AKAP6: variants seen among roughly 807,000 people sequenced by gnomAD.
AKAP6 encodes the protein A-kinase anchoring protein 6.
In AKAP6, 58 loss-of-function variants were observed where a neutral mutation model predicts 188.5. The ratio of observed to expected loss-of-function variants is 0.31; its 90% CI spans 0.25 to 0.38. AKAP6 has a LOEUF of 0.38. Ranked by LOEUF, AKAP6 falls within the 10% of genes least tolerant of loss-of-function variation. The probability of loss-of-function intolerance (pLI) is 1.00; values close to 1 mark genes in which losing one functional copy is unlikely to be tolerated. For missense variants in AKAP6, 2,710 were observed against 2,740.0 expected, an observed-to-expected ratio of 0.99 and a Z score of 0.24; for synonymous variants, 989 against 998.6, an observed-to-expected ratio of 0.99 and a Z score of 0.18.
At chr14:32,521,958 C>T (rs1232630091) in intron 2 of AKAP6, among the ~76,000 whole-genome samples, 1 of 152,146 alleles carries the variant, frequency 6.6e-6, no homozygotes, top group East Asian at 1.9e-4. Context: ...GCTACAGTAA[C>T]CAAAACAGCA....
chr14:32,520,444 C>T (rs924262194), intron 2 of AKAP6, among the ~76,000 whole-genome samples: 12 of 152,004 alleles, frequency 7.9e-5, no homozygotes, highest in South Asian at 2.1e-4. Context: ...GTTGATAGAT[C>T]GCTAGCAAGA....
intron 5 of AKAP6, among the ~76,000 whole-genome samples, chr14:32,592,398 G>A (rs539701079): frequency 3.3e-5 from 5 of 152,320 alleles, no homozygotes; most frequent in African/African-American, 2.4e-5. Context: ...GATGGTTAGG[G>A]AGAGCTTGCT....
rs2139154906 is a variant in AKAP6, at chr14:32,546,150, C to T, written c.1497C>T (p.His499=). 8.7e-6 allele frequency: 14 copies of T among 1,613,954 alleles called. No homozygotes were observed. The highest frequency in any genetic ancestry group is 1.1e-5 in the Non-Finnish European group (13 of 1,179,992). ...AGAAATCTCGACTTAAAAAGCCACA[C>T]AAGACCTCAGAAGAGGTGCCTCCAT... ...YKEKSRLKKP[H]KTSEEVPPCR... The change falls in exon 4 of 14, where the codon CAC becomes CAT. Residue 499 remains histidine, a synonymous_variant. Transcript: ENST00000280979.
chr14:32,407,654 C>T (rs1407109047), intron 1 of AKAP6, among the ~76,000 whole-genome samples: 2 of 152,196 alleles, frequency 1.3e-5, no homozygotes, highest in African/African-American at 2.4e-5. Flanking sequence ...CTCTCCTTCT[C>T]ATTTCAGTTC....
chr14:32,598,623 G>A (rs1232711826), intron 5 of AKAP6, among the ~76,000 whole-genome samples: 1 of 152,162 alleles, frequency 6.6e-6, no homozygotes, highest in Non-Finnish European at 1.5e-5. Context: ...GCCAAGGATA[G>A]AAATAAAGCA....
At chr14:32,680,229 A>G (rs190598344) in intron 8 of AKAP6, among the ~76,000 whole-genome samples, 21 of 152,328 alleles carry the variant, frequency 1.4e-4, no homozygotes, top group Middle Eastern at 3.4e-3. Flanking sequence ...CAGAAATTTA[A>G]GAGTGCACTG....
chr14:32,744,507 A>G (rs542819328), intron 11 of AKAP6, among the ~76,000 whole-genome samples: 39 of 152,024 alleles, frequency 2.6e-4, no homozygotes, highest in East Asian at 1.4e-3. Context: ...TGGTAGAGAC[A>G]GGGTTTCACT....
chr14:32,800,197 T>C (rs28810394), intron 12 of AKAP6, among the ~76,000 whole-genome samples: 9 of 147,440 alleles, frequency 6.1e-5, no homozygotes, highest in East Asian at 3.9e-4. Context: ...CACATATATA[T>C]ACATATATAT....
chr14:32,663,351 T>C (rs982369590), intron 7 of AKAP6, among the ~76,000 whole-genome samples: 2 of 152,058 alleles, frequency 1.3e-5, no homozygotes, highest in African/African-American at 4.8e-5. Context: ...CTTGCCTCAC[T>C]CATTCTTTCA....
intron 5 of AKAP6, among the ~76,000 whole-genome samples, chr14:32,581,465 A>G (rs1255715777): frequency 6.6e-6 from 1 of 152,036 alleles, no homozygotes; most frequent in East Asian, 1.9e-4. Context: ...AAAAATGTAT[A>G]TTCTGTTGAT....
intron 1 of AKAP6, among the ~76,000 whole-genome samples, chr14:32,426,303 G>A (rs113728700): frequency 6.6e-6 from 1 of 152,020 alleles, no homozygotes; most frequent in African/African-American, 2.4e-5. Flanking sequence ...GGAGAGAGGG[G>A]GAGAGGAGAG....
At chr14:32,672,236 G>A (rs891662701) in intron 7 of AKAP6, among the ~76,000 whole-genome samples, 2 of 152,164 alleles carry the variant, frequency 1.3e-5, no homozygotes, top group East Asian at 1.9e-4. Flanking sequence ...GGTGCTAAAT[G>A]CATACAAAAT....
At chr14:32,647,038 C>T (rs1888013523) in intron 7 of AKAP6, among the ~76,000 whole-genome samples, 1 of 152,052 alleles carries the variant, frequency 6.6e-6, no homozygotes, top group Non-Finnish European at 1.5e-5. Context: ...GAGGGCATAC[C>T]ATGTCACTGT....
chr14:32,499,208 C>A (rs1474685432), intron 2 of AKAP6, among the ~76,000 whole-genome samples: 1 of 151,514 alleles, frequency 6.6e-6, no homozygotes, highest in African/African-American at 2.4e-5. Context: ...ATTTCTTTAT[C>A]AGAGTAGTGG....
intron 2 of AKAP6, among the ~76,000 whole-genome samples, chr14:32,511,197 T>C (rs1049880346): frequency 6.6e-6 from 1 of 152,238 alleles, no homozygotes; most frequent in African/African-American, 2.4e-5. Flanking sequence ...ATTATTGAGT[T>C]CAGCTCTTTT....
At chr14:32,370,863 A>C (rs776570593) in intron 1 of AKAP6, among the ~76,000 whole-genome samples, 8 of 152,208 alleles carry the variant, frequency 5.3e-5, no homozygotes, top group Non-Finnish European at 8.8e-5. Flanking sequence ...TGTGTATTCC[A>C]TTCATGATTG....
intron 7 of AKAP6, among the ~76,000 whole-genome samples, chr14:32,643,430 C>T (rs984190387): frequency 6.6e-6 from 1 of 151,996 alleles, no homozygotes; most frequent in Admixed American, 6.6e-5. Context: ...GCCTCAGCCT[C>T]CTGAGTAGCT....
chr14:32,516,549 G>A (rs1303602101), intron 2 of AKAP6, among the ~76,000 whole-genome samples: 1 of 152,154 alleles, frequency 6.6e-6, no homozygotes, highest in Non-Finnish European at 1.5e-5. Context: ...AGTACTAGTA[G>A]TAGTATTAAG....
At chr14:32,524,075 G>A (rs1017489059) in intron 2 of AKAP6, among the ~76,000 whole-genome samples, 8 of 152,050 alleles carry the variant, frequency 5.3e-5, no homozygotes, top group Non-Finnish European at 8.8e-5. Context: ...GTGGTAACAC[G>A]TGCCTATAAT....
Sources: gnomAD v4.1 joint callset for allele counts (sites outside exome capture counted in the v4.1 genomes callset) on GRCh38, gnomAD v4.1.1 for gene constraint, MANE v1.5 for transcripts, NCBI Gene and HGNC (gene_info 2026-07-23, HGNC 2026-07-21) for gene names.